The following EFCAB8 variants were observed in gnomAD, a reference collection of about 807,000 sequenced individuals.
EFCAB8 encodes EF-hand calcium binding domain 8.
Under a neutral mutation model 116.3 loss-of-function variants are expected in EFCAB8, and 100 were observed. That is an observed-to-expected ratio of 0.86 (90% CI 0.73 to 1.02). EFCAB8 has a LOEUF of 1.02. Among genes scored for constraint, EFCAB8 ranks in the 50% least tolerant of loss-of-function variants. EFCAB8 has a pLI of 0.00. For missense variants in EFCAB8, 1,320 were observed against 1,416.9 expected (o/e 0.93, Z 1.10); for synonymous variants, 558 against 567.9 (o/e 0.98, Z 0.25).
intron 20 of EFCAB8, among the ~76,000 whole-genome samples, chr20:32,925,608 C>T (rs1987639914): frequency 6.6e-6 from 1 of 152,250 alleles, no homozygotes; most frequent in South Asian, 2.1e-4. Flanking sequence ...CTGCCTCAGC[C>T]TCCCAAAGTG....
At chr20:32,933,702 G>A (rs1408916188) in intron 22 of EFCAB8, among the ~76,000 whole-genome samples, 1 of 152,116 alleles carries the variant, frequency 6.6e-6, no homozygotes, top group East Asian at 1.9e-4. Context: ...TTTTTGGCCG[G>A]GCTCAGTGGC....
rs898650932 is a variant in EFCAB8 at position 32,961,232 on chromosome 20, C to G, written c.3490C>G (p.Gln1164Glu). ...CAGCAGGGGCCCAGACCAGCAAGAC[C>G]AGCACATCCGCCTGGTGGCCCACCA... is the stretch of plus-strand genomic sequence containing the variant. ...LTSRGPDQQDQHIRLVAHHVQ... is the reference protein window; with the variant it reads ...LTSRGPDQQDEHIRLVAHHVQ... Residue 1164 changes from glutamine (Q) to glutamate (E), a missense_variant, in exon 27 of 27, where the codon CAG (glutamine) becomes GAG (glutamate). Transcript: ENST00000400522. The G allele has an allele frequency of 6.4e-7, 1 of 1,551,848 alleles. No individual in the cohort carries two copies. Among genetic ancestry groups the G allele is most frequent in the Non-Finnish European group, 8.7e-7 (1 of 1,146,936 alleles).
rs758251735 is a variant in EFCAB8, at chr20:32,911,664, T to C, written c.1742T>C (p.Ile581Thr). The change falls in exon 16 of 27, where the codon ATT (isoleucine) becomes ACT (threonine). Residue 581 changes from isoleucine (I) to threonine (T), a missense_variant. By Grantham distance (89) the Ile-to-Thr change is moderately conservative. Transcript: ENST00000400522. ...ACAATGAAGATGTGGAACTACAACA[T>C]TGGCAAATGCCTGTTGACCTTTCCC... ...DGTMKMWNYN[I>T]GKCLLTFPSP... 113 of 1,551,614 alleles carry C rather than the reference T, an allele frequency of 7.3e-5. No homozygotes were observed. The highest frequency in any genetic ancestry group is 4.9e-4 in the East Asian group (20 of 40,934).
chr20:32,930,746 C>G (rs13041716), intron 21 of EFCAB8, 130 bp downstream of exon 21: 577,587 of 893,406 alleles, frequency 0.65, 192,146 homozygotes, highest in African/African-American at 0.76. Flanking sequence ...AACAATGCAG[C>G]GAGGAGTCCT....
At chr20:32,910,259 C>T (rs141118337) in intron 15 of EFCAB8, among the ~76,000 whole-genome samples, 4 of 152,278 alleles carry the variant, frequency 2.6e-5, no homozygotes, top group East Asian at 3.9e-4. Flanking sequence ...AGTTGTGGGG[C>T]GCTTTCCTAG....
intron 23 of EFCAB8, among the ~76,000 whole-genome samples, chr20:32,950,556 A>G (rs953184997): frequency 2.0e-5 from 3 of 152,084 alleles, no homozygotes; most frequent in Non-Finnish European, 4.4e-5. Context: ...GGGTGGGAGA[A>G]TTTATCAGAG....
intron 5 of EFCAB8, among the ~76,000 whole-genome samples, chr20:32,880,427 CCTGA>C (rs1392012417): frequency 2.0e-5 from 3 of 152,050 alleles, no homozygotes; most frequent in East Asian, 1.9e-4. Context: ...TGCCACCATG[CCTGA>C]CTAATTTTTT....
intron 2 of EFCAB8, among the ~76,000 whole-genome samples, chr20:32,864,998 A>G (rs1984317239): frequency 6.6e-6 from 1 of 152,204 alleles, no homozygotes; most frequent in Admixed American, 6.5e-5. Flanking sequence ...CCTGTGGCTC[A>G]GGGAAGTGAT....
intron 18 of EFCAB8, 65 bp downstream of exon 18, chr20:32,917,570 G>A: frequency 2.6e-6 from 3 of 1,148,412 alleles, no homozygotes; most frequent in East Asian, 2.8e-5. Context: ...ATCCTGTGGG[G>A]CAGGGAGGGT....
intron 6 of EFCAB8, among the ~76,000 whole-genome samples, chr20:32,886,828 G>T (rs535021018): frequency 3.3e-5 from 5 of 152,348 alleles, no homozygotes; most frequent in African/African-American, 1.2e-4. Flanking sequence ...AGGCCTCCCA[G>T]GACCACACAC....
rs1421372478 is a variant in EFCAB8 at position 32,912,834 on chromosome 20, C to A, written c.1826C>A (p.Thr609Lys). 1.4e-6 allele frequency: 1 copy of A among 719,006 alleles called. No individual in the cohort carries two copies. Among genetic ancestry groups the A allele is most frequent in the Non-Finnish European group, 2.6e-6 (1 of 385,172 alleles). The allele number at this position is 719,006 out of a possible 1,614,324, so 44.5% of individuals were successfully genotyped here. The change falls in exon 17 of 27, where the codon ACA (threonine) becomes AAA (lysine). Residue 609 changes from threonine (T) to lysine (K), a missense_variant. Coordinates refer to ENST00000400522, the MANE Select transcript of EFCAB8 (RefSeq NM_001143967.2). ...IIHMNKVFYVTGWSKRITHFL... is the reference protein window; with the variant it reads ...IIHMNKVFYVKGWSKRITHFL... ...CATATGAACAAAGTGTTCTATGTGA[C>A]AGGATGGAGTAAGAGAATCACTCAT...
chr20:32,859,030 GT>G, intron 1 of EFCAB8, 24 bp downstream of exon 1: 1 of 471,198 alleles, frequency 2.1e-6, no homozygotes, highest in South Asian at 1.5e-5. Context: ...TTAGGTGAAA[GT>G]TGCTCTCCAA....
intron 1 of EFCAB8, among the ~76,000 whole-genome samples, chr20:32,861,332 A>G (rs1452670847): frequency 2.0e-5 from 3 of 152,302 alleles, no homozygotes; most frequent in South Asian, 2.1e-4. Context: ...CTTGTTGCCC[A>G]GGCTGGAGTG....
intron 23 of EFCAB8, among the ~76,000 whole-genome samples, chr20:32,956,211 C>T (rs969738171): frequency 2.6e-5 from 4 of 152,002 alleles, no homozygotes; most frequent in Non-Finnish European, 4.4e-5. Flanking sequence ...AAGAATCTTA[C>T]ATCCCTCCCA....
At chr20:32,946,271 C>G (rs1490661242) in intron 23 of EFCAB8, among the ~76,000 whole-genome samples, 2 of 152,248 alleles carry the variant, frequency 1.3e-5, no homozygotes, top group Non-Finnish European at 2.9e-5. Context: ...ATGTACATCT[C>G]AGTCTTTCCC....
intron 13 of EFCAB8, 71 bp downstream of exon 13, chr20:32,907,065 C>T: frequency 6.9e-7 from 1 of 1,448,168 alleles, no homozygotes; most frequent in Non-Finnish European, 9.1e-7. Context: ...AATGGCATGA[C>T]CTCCCTGCCC....
chr20:32,863,639 G>A (rs567598215), intron 1 of EFCAB8, 144 bp from the exon 2 acceptor site: 166 of 641,968 alleles, frequency 2.6e-4, no homozygotes, highest in African/African-American at 2.6e-3. Flanking sequence ...TCCACTGCTC[G>A]CTGGGAGTGT....
chr20:32,957,147 T>C (rs1459868174), intron 23 of EFCAB8, among the ~76,000 whole-genome samples: 1 of 152,016 alleles, frequency 6.6e-6, no homozygotes, highest in Admixed American at 6.5e-5. Context: ...TTTTCCACCA[T>C]TTTATTCAAT....
chr20:32,907,006 C>T lies in EFCAB8; in HGVS notation c.1308+12C>T, dbSNP rs1402834826. The T allele has an allele frequency of 2.9e-5, 43 of 1,493,566 alleles. No individual in the cohort carries two copies. The highest frequency in any genetic ancestry group is 1.2e-4 in the East Asian group (5 of 40,430). 92.5% of individuals were successfully genotyped at this position (1,493,566 alleles called of 1,614,324 possible). On this transcript the variant is annotated intron_variant, in intron 13 of 26. Transcript: ENST00000400522. The stretch of plus-strand genomic sequence containing the variant: ...TCTCCAAGGACAAGGTCCGCCCCGA[C>T]GGTCCGCCTGACTCCTTCTGTTCCT...
Sources: allele counts gnomAD v4.1 joint callset (sites outside exome capture counted in the v4.1 genomes callset), GRCh38; gene constraint gnomAD v4.1.1; transcripts MANE v1.5; gene names NCBI Gene and HGNC (gene_info 2026-07-23, HGNC 2026-07-21).